Variants in PTPRM observed in about 807,000 individuals in gnomAD.
PTPRM encodes the protein receptor-type tyrosine-protein phosphatase mu.
Under a neutral mutation model 186.7 loss-of-function variants are expected in PTPRM, and 47 were observed. That is an observed-to-expected ratio of 0.25 (90% CI 0.20 to 0.32). The LOEUF (loss-of-function observed/expected upper bound fraction) is 0.32. PTPRM is among the 10% of genes least tolerant of loss of function. The probability of loss-of-function intolerance (pLI) is 1.00; values close to 1 mark genes in which losing one functional copy is unlikely to be tolerated. For missense variants in PTPRM, 1,494 were observed against 1,865.0 expected (o/e 0.80, Z 3.66); for synonymous variants, 668 against 674.9 (o/e 0.99, Z 0.16).
At chr18:8,145,941 T>C (rs530201452) in intron 14 of PTPRM, among the ~76,000 whole-genome samples, 5 of 152,306 alleles carry the variant, frequency 3.3e-5, no homozygotes, top group African/African-American at 1.2e-4. Context: ...TAATTTACAG[T>C]TCCACCAACA....
At chr18:7,708,748 G>A (rs1209902097) in intron 1 of PTPRM, among the ~76,000 whole-genome samples, 3 of 152,086 alleles carry the variant, frequency 2.0e-5, no homozygotes, top group Non-Finnish European at 2.9e-5. Flanking sequence ...TATTTCTTTA[G>A]TCCACTTATC....
chr18:8,273,217 A>G (rs1014173652), intron 19 of PTPRM, among the ~76,000 whole-genome samples: 10 of 152,166 alleles, frequency 6.6e-5, no homozygotes, highest in African/African-American at 2.4e-4. Flanking sequence ...ATGCATTTCT[A>G]TCACCTTATT....
At chr18:7,623,228 G>T (rs1168930541) in intron 1 of PTPRM, among the ~76,000 whole-genome samples, 1 of 151,184 alleles carries the variant, frequency 6.6e-6, no homozygotes, top group Non-Finnish European at 1.5e-5. Context: ...ACCTTTTTTT[G>T]GAAAAATATG....
chr18:8,168,312 C>G (rs1316418206), intron 14 of PTPRM, among the ~76,000 whole-genome samples: 1 of 152,174 alleles, frequency 6.6e-6, no homozygotes, highest in African/African-American at 2.4e-5. Flanking sequence ...AACCTTGCAG[C>G]TCCAGACCAC....
chr18:8,003,131 G>A (rs1331507452), intron 7 of PTPRM, among the ~76,000 whole-genome samples: 1 of 152,160 alleles, frequency 6.6e-6, no homozygotes, highest in Non-Finnish European at 1.5e-5. Context: ...ACCTTGACTT[G>A]TAATAATCCC....
At chr18:7,889,059 CA>C (rs1299293596) in intron 3 of PTPRM, among the ~76,000 whole-genome samples, 1 of 152,112 alleles carries the variant, frequency 6.6e-6, no homozygotes, top group Non-Finnish European at 1.5e-5. Context: ...ACCTCAGAAT[CA>C]TGCAGTTTAC....
Position 8,253,285 on chromosome 18 carries a change from G to A in PTPRM, c.2625G>A (p.Lys875=). ...GCCTGGTGCAGTCCCATACTTACAA[G>A]AAGCGAGAGCCGGCCGACGTGCCCT... ...TSSLVQSHTY[K]KREPADVPYQ... is the part of the protein sequence containing the mutation. The change falls in exon 19 of 33, where the codon AAG becomes AAA. Residue 875 remains lysine, a synonymous_variant. Coordinates refer to ENST00000580170, the MANE Select transcript of PTPRM (RefSeq NM_001105244.2). 6.3e-7 allele frequency: 1 copy of A among 1,594,864 alleles called. No homozygotes were observed. Among genetic ancestry groups the A allele is most frequent in the East Asian group, 2.3e-5 (1 of 43,186 alleles).
intron 1 of PTPRM, among the ~76,000 whole-genome samples, chr18:7,718,084 C>CA (rs35425803): frequency 8.0e-5 from 12 of 149,684 alleles, no homozygotes; most frequent in South Asian, 6.4e-4. Flanking sequence ...CATATGGAAC[C>CA]AAAAAAAAAG....
intron 14 of PTPRM, among the ~76,000 whole-genome samples, chr18:8,219,471 A>G (rs893147704): frequency 1.3e-5 from 2 of 152,170 alleles, no homozygotes; most frequent in Non-Finnish European, 2.9e-5. Context: ...CATCTCAAAA[A>G]AAAAAAAACT....
chr18:8,387,136 C>T lies in PTPRM; in HGVS notation c.4109C>T (p.Thr1370Ile). 1.2e-6 allele frequency: 2 copies of T among 1,612,272 alleles called. No individual in the cohort carries two copies. Among genetic ancestry groups the T allele is most frequent in the Non-Finnish European group, 8.5e-7 (1 of 1,178,262 alleles). The change falls in exon 31 of 33, where the codon ACA becomes ATA. Residue 1370 changes from threonine (T) to isoleucine (I), a missense_variant. Physicochemically the swap from Thr to Ile is moderately conservative, Grantham distance 89. This residue lies in a region of PTPRM where 1,107 missense variants were observed against 1,350.2 expected (regional missense o/e 0.82). Coordinates refer to ENST00000580170, the MANE Select transcript of PTPRM (RefSeq NM_001105244.2). ...CTGGGCTGGCCGATGTACAGGGACA[C>T]ACCAGTGTCTAAGCGCTCCTTCTTG... ...QFLGWPMYRD[T>I]PVSKRSFLKL...
intron 1 of PTPRM, among the ~76,000 whole-genome samples, chr18:7,693,248 A>C (rs2039773509): frequency 6.6e-6 from 1 of 152,162 alleles, no homozygotes; most frequent in Non-Finnish European, 1.5e-5. Context: ...GTACTACTTG[A>C]TGAACACTCC....
chr18:8,199,441 C>G (rs1034842827), intron 14 of PTPRM, among the ~76,000 whole-genome samples: 2 of 152,116 alleles, frequency 1.3e-5, no homozygotes, highest in African/African-American at 2.4e-5. Flanking sequence ...AAGGATAGTG[C>G]GCTGTGTCTG....
chr18:7,749,665 G>C (rs1232309396), intron 1 of PTPRM, among the ~76,000 whole-genome samples: 1 of 152,142 alleles, frequency 6.6e-6, no homozygotes, highest in Non-Finnish European at 1.5e-5. Context: ...TATGGTTTGT[G>C]CTTATCAGGT....
chr18:7,997,700 T>C (rs774421457), intron 7 of PTPRM, among the ~76,000 whole-genome samples: 3 of 152,054 alleles, frequency 2.0e-5, no homozygotes, highest in Non-Finnish European at 2.9e-5. Flanking sequence ...AAAAATCTGA[T>C]TGAAAAATGA....
chr18:7,606,504 T>G (rs2143802812), intron 1 of PTPRM, among the ~76,000 whole-genome samples: 1 of 152,168 alleles, frequency 6.6e-6, no homozygotes, highest in South Asian at 2.1e-4. Flanking sequence ...GTAGAAATCA[T>G]TTTTGATTTT....
chr18:7,780,406 G>A lies in PTPRM; in HGVS notation c.196+6135G>A, dbSNP rs115048817. Reference sequence around the variant, plus strand: ...CTCTTCACGTGAGAACATGCATCTGGGGAAGAGGCTAGTCTTTCATTTCAG... The same window carrying A: ...CTCTTCACGTGAGAACATGCATCTGAGGAAGAGGCTAGTCTTTCATTTCAG... On this transcript the variant is annotated intron_variant, in intron 2 of 32. Transcript: ENST00000580170. 4.3e-3 allele frequency among the ~76,000 whole-genome samples: 661 copies of A among 152,226 alleles called. 3 individuals are homozygous for A. Among genetic ancestry groups the A allele is most frequent in the African/African-American group, 0.015 (627 of 41,536 alleles).
intron 11 of PTPRM, among the ~76,000 whole-genome samples, chr18:8,103,259 A>G (rs1177657385): frequency 1.3e-5 from 2 of 152,206 alleles, no homozygotes; most frequent in Non-Finnish European, 2.9e-5. Context: ...CTTTGACACC[A>G]GACATTGACT....
chr18:7,769,136 C>A (rs1348222584), intron 1 of PTPRM, among the ~76,000 whole-genome samples: 1 of 152,104 alleles, frequency 6.6e-6, no homozygotes, highest in Non-Finnish European at 1.5e-5. Flanking sequence ...ACAATTGCTT[C>A]TTCCCAGGGT....
intron 7 of PTPRM, among the ~76,000 whole-genome samples, chr18:8,050,367 C>T (rs972425477): frequency 4.6e-5 from 7 of 152,090 alleles, no homozygotes; most frequent in African/African-American, 1.4e-4. Flanking sequence ...CTGGCAGTGG[C>T]TGGAGGGACA....
Sources: gnomAD v4.1 joint callset for allele counts (sites outside exome capture counted in the v4.1 genomes callset) on GRCh38, gnomAD v4.1.1 for gene constraint, gnomAD v4.1.1 regional missense constraint, MANE v1.5 for transcripts, NCBI Gene and HGNC (gene_info 2026-07-23, HGNC 2026-07-21) for gene names.